The following MAPRE2 variants were observed in gnomAD, a reference collection of about 807,000 sequenced individuals.
MAPRE2 encodes microtubule-associated protein RP/EB family member 2.
MAPRE2 carries 13 observed loss-of-function variants against 43.2 expected under a neutral mutation model. That is an observed-to-expected ratio of 0.30 (90% CI 0.20 to 0.48). The LOEUF is 0.48. Ranked by LOEUF, MAPRE2 falls within the 20% of genes least tolerant of loss-of-function variation. MAPRE2 has a pLI of 0.99. For missense variants in MAPRE2, 161 were observed against 400.2 expected, an observed-to-expected ratio of 0.40 and a Z score of 5.10; for synonymous variants, 135 against 148.8, an observed-to-expected ratio of 0.91 and a Z score of 0.68.
At chr18:35,102,902 T>G (rs570006978) in intron 4 of MAPRE2, among the ~76,000 whole-genome samples, 8 of 152,296 alleles carry the variant, frequency 5.3e-5, no homozygotes, top group African/African-American at 1.9e-4. Flanking sequence ...TGTTTCCATC[T>G]CAATTGTGGA....
intron 3 of MAPRE2, among the ~76,000 whole-genome samples, chr18:35,098,730 T>C (rs1603400788): frequency 6.6e-6 from 1 of 152,360 alleles, no homozygotes; most frequent in South Asian, 2.1e-4. Context: ...CTATACATGC[T>C]TCTAGATTAG....
intron 1 of MAPRE2, among the ~76,000 whole-genome samples, chr18:35,061,384 T>G (rs1906518180): frequency 6.6e-6 from 1 of 152,256 alleles, no homozygotes; most frequent in Non-Finnish European, 1.5e-5. Context: ...TAATAAAGTA[T>G]GTGCATGTTG....
intron 1 of MAPRE2, among the ~76,000 whole-genome samples, chr18:34,977,441 G>C (rs1256154968): frequency 6.6e-6 from 1 of 152,214 alleles, no homozygotes; most frequent in African/African-American, 2.4e-5. Flanking sequence ...GTAGGAACAC[G>C]GCGTTGGTGA....
chr18:35,118,976 A>T (rs1909546939), intron 4 of MAPRE2, among the ~76,000 whole-genome samples: 1 of 152,100 alleles, frequency 6.6e-6, no homozygotes, highest in Admixed American at 6.5e-5. Flanking sequence ...TTGAAGAAGG[A>T]AGGGTTACTC....
chr18:34,995,336 C>T (rs554948361), intron 1 of MAPRE2, among the ~76,000 whole-genome samples: 2 of 152,308 alleles, frequency 1.3e-5, no homozygotes, highest in South Asian at 2.1e-4. Flanking sequence ...AAGCATCTTC[C>T]TATCTCTCAA....
chr18:35,039,794 A>G (rs1429586570), upstream of MAPRE2, among the ~76,000 whole-genome samples: 1 of 152,236 alleles, frequency 6.6e-6, no homozygotes, highest in Non-Finnish European at 1.5e-5. Flanking sequence ...AGTGATGTGA[A>G]GGAGTGAGTC....
At chr18:35,132,007 T>C in intron 5 of MAPRE2, 25 bp from the exon 6 acceptor site, 6 of 1,611,796 alleles carry the variant, frequency 3.7e-6, no homozygotes, top group Non-Finnish European at 5.1e-6. Context: ...GGTGGTTTTT[T>C]TTCTTCACTC....
chr18:35,040,523 GAAT>G (rs1230205717), upstream of MAPRE2, among the ~76,000 whole-genome samples: 2 of 152,172 alleles, frequency 1.3e-5, no homozygotes, highest in Non-Finnish European at 2.9e-5. Flanking sequence ...TTTAAAATGG[GAAT>G]AATAATAGTA....
chr18:35,081,514 C>T (rs964615588), intron 2 of MAPRE2, among the ~76,000 whole-genome samples: 13 of 152,232 alleles, frequency 8.5e-5, no homozygotes, highest in African/African-American at 2.4e-4. Flanking sequence ...TTTCTCTGGA[C>T]GGGACTCTTT....
chr18:35,086,999 A>G (rs988020850), intron 2 of MAPRE2, among the ~76,000 whole-genome samples: 4 of 152,248 alleles, frequency 2.6e-5, no homozygotes, highest in Admixed American at 2.0e-4. Flanking sequence ...ATATTACTCT[A>G]TGGTTGAAAT....
intron 4 of MAPRE2, among the ~76,000 whole-genome samples, chr18:35,104,127 AG>A (rs952355091): frequency 2.0e-5 from 3 of 152,200 alleles, no homozygotes; most frequent in Non-Finnish European, 4.4e-5. Flanking sequence ...TTGTAGAAAG[AG>A]GGGTCACCAA....
At chr18:35,054,843 T>G (rs910853416) in intron 1 of MAPRE2, among the ~76,000 whole-genome samples, 10 of 152,188 alleles carry the variant, frequency 6.6e-5, no homozygotes, top group African/African-American at 2.2e-4. Flanking sequence ...GGAAAATCTT[T>G]TTATGTAAGG....
chr18:35,044,581 C>T (rs1254401571), intron 1 of MAPRE2, among the ~76,000 whole-genome samples: 2 of 152,186 alleles, frequency 1.3e-5, no homozygotes, highest in Admixed American at 6.5e-5. Flanking sequence ...ATCTAGCCCC[C>T]GTTGTTAGAG....
At chr18:35,031,576 G>A (rs1012399168) in intron 2 of MAPRE2, among the ~76,000 whole-genome samples, 1 of 152,144 alleles carries the variant, frequency 6.6e-6, no homozygotes, top group African/African-American at 2.4e-5. Flanking sequence ...TTCACATCAT[G>A]TTCTATGAGT....
At chr18:35,064,585 T>G (rs1906740308) in intron 1 of MAPRE2, among the ~76,000 whole-genome samples, 1 of 152,176 alleles carries the variant, frequency 6.6e-6, no homozygotes, top group Non-Finnish European at 1.5e-5. Context: ...CTTGCCAAAT[T>G]TGTTCTTGAA....
intron 1 of MAPRE2, among the ~76,000 whole-genome samples, chr18:35,056,942 A>C (rs1320081821): frequency 1.3e-5 from 2 of 152,180 alleles, no homozygotes; most frequent in Non-Finnish European, 2.9e-5. Context: ...ACTGCAGTTC[A>C]AAAAGCTTCC....
chr18:35,094,341 G>C (rs1194617214), intron 2 of MAPRE2, among the ~76,000 whole-genome samples: 1 of 152,080 alleles, frequency 6.6e-6, no homozygotes, highest in Non-Finnish European at 1.5e-5. Flanking sequence ...AAGAATAAAT[G>C]GCATGATAAA....
At chr18:35,097,296 C>G (rs533175494) in intron 2 of MAPRE2, 150 bp from the exon 3 acceptor site, 208 of 664,648 alleles carry the variant, frequency 3.1e-4, no homozygotes, top group Non-Finnish European at 4.6e-4. Flanking sequence ...ATCCTGTGGA[C>G]AAGGAGATAT....
intron 2 of MAPRE2, among the ~76,000 whole-genome samples, chr18:35,025,585 G>T (rs546552931): frequency 6.6e-6 from 1 of 152,266 alleles, no homozygotes; most frequent in East Asian, 1.9e-4. Context: ...CACCCTAGGA[G>T]GACAGGGACT....
Sources: allele counts gnomAD v4.1 joint callset (sites outside exome capture counted in the v4.1 genomes callset), GRCh38; gene constraint gnomAD v4.1.1; transcripts MANE v1.5; gene names NCBI Gene and HGNC (gene_info 2026-07-23, HGNC 2026-07-21).